The following PPFIA1 variants were observed in gnomAD, a reference collection of about 807,000 sequenced individuals.
The protein encoded by PPFIA1 is PPFI scaffold protein A1, also known as liprin-alpha-1.
PPFIA1 carries 25 observed loss-of-function variants against 149.9 expected under a neutral mutation model. The ratio of observed to expected loss-of-function variants is 0.17; its 90% CI spans 0.12 to 0.23. The LOEUF (loss-of-function observed/expected upper bound fraction) is 0.23. Ranked by LOEUF, PPFIA1 falls within the 10% of genes least tolerant of loss-of-function variation. PPFIA1 has a pLI of 1.00. For synonymous variants in PPFIA1, 549 were observed against 552.8 expected, an observed-to-expected ratio of 0.99 and a Z score of 0.10; for missense variants, 1,362 against 1,506.5, an observed-to-expected ratio of 0.90 and a Z score of 1.59.
chr11:70,362,183 C>A lies in PPFIA1; in HGVS notation c.2664+7C>A. 6.2e-7 allele frequency: 1 copy of A among 1,614,102 alleles called. No homozygotes were observed. The highest frequency in any genetic ancestry group is 2.2e-5 in the East Asian group (1 of 44,888). ...GGTTGTGGTCTGGCTAGAGGTACAT[C>A]CTTCATTTAACATGCAGTTGCGTGG... On this transcript the variant is annotated splice_region_variant and intron_variant, in intron 20 of 27. Transcript: ENST00000253925.
chr11:70,299,060 A>G (rs1182990600), intron 2 of PPFIA1, among the ~76,000 whole-genome samples: 2 of 151,960 alleles, frequency 1.3e-5, no homozygotes, highest in Admixed American at 6.6e-5. Context: ...GCAACATGGC[A>G]AAACCCCGTC....
intron 7 of PPFIA1, among the ~76,000 whole-genome samples, chr11:70,328,638 G>A (rs1261991295): frequency 2.0e-5 from 3 of 151,930 alleles, no homozygotes; most frequent in Non-Finnish European, 4.4e-5. Flanking sequence ...TTAGGTCTTT[G>A]AGGAATCTCC....
chr11:70,280,307 G>T (rs546803807), intron 2 of PPFIA1, among the ~76,000 whole-genome samples: 1 of 151,748 alleles, frequency 6.6e-6, no homozygotes, highest in South Asian at 2.1e-4. Context: ...AGTGGCTCAC[G>T]CCTGTAATCC....
rs2055890562 is a variant in PPFIA1 at position 70,349,112 on chromosome 11, C to T, written c.2163+692C>T. On this transcript the variant is annotated intron_variant, in intron 16 of 27. Coordinates refer to ENST00000253925, the MANE Select transcript of PPFIA1 (RefSeq NM_003626.5). Reference sequence around the variant, plus strand: ...ATTTCTTTCCTTTCGGAGTGCCCAACCAGCTTCCTGGGCATCTACTACCAA... The same window carrying T: ...ATTTCTTTCCTTTCGGAGTGCCCAATCAGCTTCCTGGGCATCTACTACCAA... 2.0e-5 allele frequency among the ~76,000 whole-genome samples: 3 copies of T among 146,916 alleles called. No individual in the cohort carries two copies. In the Admixed American group the frequency reaches 2.1e-4, roughly 10 times the overall value.
At chr11:70,308,311 G>C (rs1404417947) in intron 2 of PPFIA1, among the ~76,000 whole-genome samples, 1 of 152,222 alleles carries the variant, frequency 6.6e-6, no homozygotes, top group Non-Finnish European at 1.5e-5. Flanking sequence ...GCCTCCCAAA[G>C]TGCTGGGATT....
intron 2 of PPFIA1, among the ~76,000 whole-genome samples, chr11:70,318,684 G>A (rs530566841): frequency 6.4e-4 from 97 of 152,206 alleles, no homozygotes; most frequent in African/African-American, 2.1e-3. Context: ...GTTTTGACCC[G>A]CCACTGCAGC....
chr11:70,284,179 C>T (rs557616403), intron 2 of PPFIA1: 13 of 416,680 alleles, frequency 3.1e-5, no homozygotes, highest in South Asian at 2.0e-4. Context: ...TGACTCTTCC[C>T]TGAGAATAAA....
At chr11:70,354,517 C>T (rs895829385) in intron 17 of PPFIA1, 65 bp downstream of exon 17, 48 of 1,491,386 alleles carry the variant, frequency 3.2e-5, no homozygotes, top group Middle Eastern at 1.8e-4. Context: ...GTTGAGAAAT[C>T]GACAAATCTT....
intron 19 of PPFIA1, among the ~76,000 whole-genome samples, chr11:70,359,104 T>G (rs2056506723): frequency 1.3e-5 from 2 of 152,194 alleles, no homozygotes; most frequent in African/African-American, 4.8e-5. Context: ...TTTTTGCCCT[T>G]GCAAAATAAA....
intron 2 of PPFIA1, among the ~76,000 whole-genome samples, chr11:70,276,971 CTTACA>C (rs2050412331): frequency 7.8e-6 from 1 of 128,564 alleles, no homozygotes; most frequent in Non-Finnish European, 1.7e-5. Flanking sequence ...TTTTTTTCTA[CTTACA>C]TTTGTTTTCT....
chr11:70,355,288 C>T (rs1229077430), intron 17 of PPFIA1, among the ~76,000 whole-genome samples: 3 of 152,198 alleles, frequency 2.0e-5, no homozygotes, highest in African/African-American at 7.2e-5. Flanking sequence ...GCAGTAACCC[C>T]TCAGGCAGTT....
intron 19 of PPFIA1, among the ~76,000 whole-genome samples, chr11:70,359,686 C>G (rs1167907468): frequency 6.6e-6 from 1 of 152,194 alleles, no homozygotes; most frequent in Non-Finnish European, 1.5e-5. Flanking sequence ...ACACAAGCTT[C>G]TCATTATGAA....
chr11:70,344,213 C>T (rs371825734), intron 15 of PPFIA1, among the ~76,000 whole-genome samples: 40 of 152,314 alleles, frequency 2.6e-4, no homozygotes, highest in East Asian at 7.7e-4. Context: ...CTCCCACTGC[C>T]GTCCTGAAAG....
At chr11:70,362,630 A>T in intron 21 of PPFIA1, 142 bp downstream of exon 21, 1 of 735,164 alleles carries the variant, frequency 1.4e-6, no homozygotes, top group Non-Finnish European at 2.0e-6. Context: ...CATCACATAC[A>T]TTAGAACTTT....
At position 70,369,134 on chromosome 11, in the gene PPFIA1, G is replaced by C. The variant is rs116048812; in HGVS notation, c.2866-3081G>C. Among the ~76,000 whole-genome samples, 833 of 152,182 alleles carry C rather than the reference G, an allele frequency of 5.5e-3. 7 individuals are homozygous for C. Among genetic ancestry groups the C allele is most frequent in the African/African-American group, 0.018 (762 of 41,510 alleles). ...GTATGATGTTCACTGTAGGGTTTTTGTAAATGCCTTTTATCCAGTTGAGGC... is the reference window on the plus strand; with the variant it reads ...GTATGATGTTCACTGTAGGGTTTTTCTAAATGCCTTTTATCCAGTTGAGGC... On this transcript the variant is annotated intron_variant, in intron 21 of 27. Transcript: ENST00000253925.
At chr11:70,280,750 T>G (rs2050714117) in intron 2 of PPFIA1, among the ~76,000 whole-genome samples, 1 of 152,190 alleles carries the variant, frequency 6.6e-6, no homozygotes, top group South Asian at 2.1e-4. Context: ...AAATTTTTTG[T>G]AGAGGCAGGG....
At chr11:70,326,522 C>T in intron 6 of PPFIA1, 75 bp from the exon 7 acceptor site, 1 of 1,365,312 alleles carries the variant, frequency 7.3e-7, no homozygotes, top group Non-Finnish European at 1.0e-6. Context: ...TTGATTTTAG[C>T]TATTTCCTGG....
chr11:70,326,221 T>C (rs1332462236), intron 5 of PPFIA1, 41 bp from the exon 6 acceptor site: 3 of 1,140,334 alleles, frequency 2.6e-6, no homozygotes, highest in Non-Finnish European at 3.8e-6. Context: ...ATTTCTCTTA[T>C]GTAAGGTATT....
intron 21 of PPFIA1, among the ~76,000 whole-genome samples, chr11:70,366,266 T>G (rs891988365): frequency 4.6e-5 from 7 of 152,226 alleles, no homozygotes; most frequent in African/African-American, 1.7e-4. Context: ...AGGCAGCTTC[T>G]GAGATTATGT....
Sources: allele counts gnomAD v4.1 joint callset (sites outside exome capture counted in the v4.1 genomes callset), GRCh38; gene constraint gnomAD v4.1.1; transcripts MANE v1.5; gene names NCBI Gene and HGNC (gene_info 2026-07-23, HGNC 2026-07-21).